The following TRIB3 variants were observed in gnomAD, a reference collection of about 807,000 sequenced individuals.
The protein encoded by TRIB3 is tribbles homolog 3.
Under a neutral mutation model 16.6 loss-of-function variants are expected in TRIB3, and 20 were observed. The ratio of observed to expected loss-of-function variants is 1.20; its 90% CI spans 0.85 to 1.75. The LOEUF is 1.75. TRIB3 is among the 40% of genes most tolerant of loss of function. The probability of loss-of-function intolerance (pLI) is 0.00; values close to 1 mark genes in which losing one functional copy is unlikely to be tolerated. For missense variants in TRIB3, 484 were observed against 488.9 expected (o/e 0.99, Z 0.10); for synonymous variants, 208 against 217.0 (o/e 0.96, Z 0.36).
At chr20:382,693 C>A in intron 1 of TRIB3, 1 of 1,030,218 alleles carries the variant, frequency 9.7e-7, no homozygotes, top group Non-Finnish European at 1.5e-6. Flanking sequence ...GTAAGCTTTG[C>A]ATCCTGTTCC....
chr20:389,079 A>G (rs753125526), intron 2 of TRIB3, among the ~76,000 whole-genome samples: 3 of 152,218 alleles, frequency 2.0e-5, no homozygotes, highest in Non-Finnish European at 2.9e-5. Context: ...AAGAAGACAG[A>G]GATGAGAATA....
At chr20:382,357 T>A in intron 1 of TRIB3, 1 of 601,542 alleles carries the variant, frequency 1.7e-6, no homozygotes, top group East Asian at 2.8e-5. Flanking sequence ...CTCTGAGGGA[T>A]GGCCGGGGCC....
chr20:384,069 C>T (rs1433033873), intron 1 of TRIB3, among the ~76,000 whole-genome samples: 3 of 152,128 alleles, frequency 2.0e-5, no homozygotes, highest in Non-Finnish European at 4.4e-5. Context: ...CCACTGAGTC[C>T]TCTTGATCTT....
chr20:388,970 G>A (rs1455963846), intron 2 of TRIB3, among the ~76,000 whole-genome samples: 2 of 152,090 alleles, frequency 1.3e-5, no homozygotes, highest in East Asian at 3.9e-4. Flanking sequence ...GTAAACTAAG[G>A]GGTAGAAAAG....
intron 3 of TRIB3, among the ~76,000 whole-genome samples, chr20:394,892 A>G (rs2015084035): frequency 6.6e-6 from 1 of 152,076 alleles, no homozygotes; most frequent in South Asian, 2.1e-4. Context: ...TCTGCTTCTT[A>G]CCTGCTTTTT....
Position 383,854 on chromosome 20 carries a change from C to T in TRIB3, c.-1+2685C>T, listed in dbSNP as rs139077493. On this transcript the variant is annotated intron_variant, in intron 1 of 3. Transcript: ENST00000217233. ...CACTGCCACTATTCCACAGTATAAA[C>T]CCACTTTTCATGACACTGCCAAGAC... Among the ~76,000 whole-genome samples the T allele has an allele frequency of 2.3e-3, 344 of 152,282 alleles. 2 individuals are homozygous for T. The highest frequency in any genetic ancestry group is 7.9e-3 in the African/African-American group (330 of 41,550).
At chr20:382,124 T>TGC (rs746809782) in intron 1 of TRIB3, among the ~76,000 whole-genome samples, 5 of 115,462 alleles carry the variant, frequency 4.3e-5, no homozygotes, top group South Asian at 2.3e-4. Context: ...TGTGTGTGTG[T>TGC]GTGCGTGCGC....
At chr20:390,348 A>G (rs1288582936) in intron 2 of TRIB3, among the ~76,000 whole-genome samples, 9 of 152,102 alleles carry the variant, frequency 5.9e-5, no homozygotes, top group Non-Finnish European at 1.0e-4. Context: ...AAAAACAAAC[A>G]GGAAAACCCT....
rs1343742711 is a variant in TRIB3 at position 396,946 on chromosome 20, T to G, written c.*256T>G. On this transcript the variant is annotated 3_prime_UTR_variant, in exon 4 of 4. Transcript: ENST00000217233. ...AGTGAGCAAAGGAGACAATATTCCC[T>G]GCTCACAGAGATGACAAACTGGCAT... 3 of 468,972 alleles carry G rather than the reference T, an allele frequency of 6.4e-6. No homozygotes were observed. The Admixed American group carries it at 1.1e-4, about 18-fold the overall frequency. 29.1% of individuals were successfully genotyped at this position (468,972 alleles called of 1,614,324 possible).
rs1435722126 is a variant in TRIB3 at position 397,541 on chromosome 20, A to G, written c.*851A>G. On this transcript the variant is annotated 3_prime_UTR_variant, in exon 4 of 4. Transcript: ENST00000217233. ...TATGTATGTTTACCTGTGCCTAATAAAGGAGAATTATGAAATAATTTTATT... is the reference window on the plus strand; with the variant it reads ...TATGTATGTTTACCTGTGCCTAATAGAGGAGAATTATGAAATAATTTTATT... 1 of 152,164 alleles carries G rather than the reference A, an allele frequency of 6.6e-6. No homozygotes were observed. The highest frequency in any genetic ancestry group is 1.5e-5 in the Non-Finnish European group (1 of 68,040). The allele number at this position is 152,164 out of a possible 1,614,324, so 9.4% of individuals were successfully genotyped here.
chr20:386,036 T>A (rs1980583), intron 1 of TRIB3, among the ~76,000 whole-genome samples: 113,888 of 151,440 alleles, frequency 0.75, 42,939 homozygotes, highest in African/African-American at 0.81. Flanking sequence ...TAAAAAAAAA[T>A]TTTTTTTTGT....
intron 3 of TRIB3, among the ~76,000 whole-genome samples, chr20:394,394 T>C (rs2015070528): frequency 6.6e-6 from 1 of 152,230 alleles, no homozygotes; most frequent in Admixed American, 6.5e-5. Flanking sequence ...AAGTAACATT[T>C]ATAATGATGT....
chr20:393,864 C>T (rs922825082), intron 3 of TRIB3, among the ~76,000 whole-genome samples: 2 of 152,124 alleles, frequency 1.3e-5, no homozygotes, highest in African/African-American at 4.8e-5. Context: ...TCCTAATTTA[C>T]CCTTTGTAAT....
At chr20:385,409 G>A (rs974476922) in intron 1 of TRIB3, 5 of 147,770 alleles carry the variant, frequency 3.4e-5, no homozygotes, top group South Asian at 4.3e-4. Context: ...CACCACGCCC[G>A]GCCTATTTTT....
At chr20:386,288 C>G (rs921098636) in intron 1 of TRIB3, among the ~76,000 whole-genome samples, 4 of 151,928 alleles carry the variant, frequency 2.6e-5, no homozygotes, top group African/African-American at 4.8e-5. Context: ...GATCATATCT[C>G]TCATCTGTGA....
rs530749662 is a variant in TRIB3, at chr20:397,357, C to T, written c.*667C>T. ...ACTGTTCTGGAATGAGGGTCCAGGC[C>T]TGTCAACCATGGGGCTTCTGACCTG... On this transcript the variant is annotated 3_prime_UTR_variant, in exon 4 of 4. Coordinates refer to ENST00000217233, the MANE Select transcript of TRIB3 (RefSeq NM_021158.5). 2.0e-5 allele frequency: 3 copies of T among 152,256 alleles called. No homozygotes were observed. The highest frequency in any genetic ancestry group is 7.2e-5 in the African/African-American group (3 of 41,438). 9.4% of individuals were successfully genotyped at this position (152,256 alleles called of 1,614,324 possible). A position where few individuals can be genotyped will look rare whatever the true frequency, so the allele number is the denominator to read the frequency against.
intron 3 of TRIB3, among the ~76,000 whole-genome samples, chr20:394,389 A>G (rs2015070417): frequency 6.6e-6 from 1 of 152,162 alleles, no homozygotes; most frequent in African/African-American, 2.4e-5. Flanking sequence ...TAAAGAAGTA[A>G]CATTTATAAT....
intron 1 of TRIB3, among the ~76,000 whole-genome samples, chr20:387,660 A>G (rs1181172321): frequency 6.6e-6 from 1 of 152,022 alleles, no homozygotes; most frequent in Non-Finnish European, 1.5e-5. Flanking sequence ...CAGTATATAG[A>G]GAGCTTCCTT....
intron 1 of TRIB3, among the ~76,000 whole-genome samples, chr20:386,329 T>A (rs1358113058): frequency 2.6e-5 from 4 of 152,210 alleles, no homozygotes; most frequent in Non-Finnish European, 2.9e-5. Flanking sequence ...ATGAGATTAG[T>A]TGATTTTCTT....
Sources: allele counts gnomAD v4.1 joint callset (sites outside exome capture counted in the v4.1 genomes callset), GRCh38; gene constraint gnomAD v4.1.1; transcripts MANE v1.5; gene names NCBI Gene and HGNC (gene_info 2026-07-23, HGNC 2026-07-21).